Variants in SCN10A observed in about 807,000 individuals in gnomAD.
SCN10A encodes the protein sodium channel protein type 10 subunit alpha.
Under a neutral mutation model 170.7 loss-of-function variants are expected in SCN10A, and 162 were observed. The ratio of observed to expected loss-of-function variants is 0.95; its 90% CI spans 0.84 to 1.08. The LOEUF is 1.08. SCN10A is among the 50% of genes least tolerant of loss of function. The probability of loss-of-function intolerance (pLI) is 0.00; values close to 1 mark genes in which losing one functional copy is unlikely to be tolerated. For missense variants in SCN10A, 2,527 were observed against 2,436.9 expected, an observed-to-expected ratio of 1.04 and a Z score of -0.78; for synonymous variants, 985 against 904.6, an observed-to-expected ratio of 1.09 and a Z score of -1.59.
In SCN10A at chr3:38,712,026, A is replaced by T. The variant is rs1402941672; in HGVS notation, c.4089+135T>A. ...CTAGCCTCATGGTGTAGTCTGTAGGAATAGAGAATGACCTCAGTTCACACT... is the reference window on the plus strand; with the variant it reads ...CTAGCCTCATGGTGTAGTCTGTAGGTATAGAGAATGACCTCAGTTCACACT... On this transcript the variant is annotated intron_variant, in intron 23 of 27. Coordinates refer to ENST00000449082, the MANE Select transcript of SCN10A (RefSeq NM_006514.4). The T allele has an allele frequency of 3.7e-6, 3 of 803,256 alleles. No individual in the cohort carries two copies. In the African/African-American group the frequency reaches 5.2e-5, roughly 14 times the overall value. The allele number at this position is 803,256 out of a possible 1,614,324, so 49.8% of individuals were successfully genotyped here. A position where few individuals can be genotyped will look rare whatever the true frequency, so the allele number is the denominator to read the frequency against.
chr3:38,722,506 C>T (rs1033004405), intron 19 of SCN10A, 94 bp from the exon 20 acceptor site: 2 of 1,444,870 alleles, frequency 1.4e-6, no homozygotes, highest in Admixed American at 2.0e-5. Context: ...GCTAGGAAAC[C>T]CACTTGTCAT....
chr3:38,807,002 C>T (rs2064408712), intron 1 of SCN10A, among the ~76,000 whole-genome samples: 1 of 152,100 alleles, frequency 6.6e-6, no homozygotes, highest in Non-Finnish European at 1.5e-5. Context: ...TCGAATTTCC[C>T]CTTTACCCCA....
Position 38,708,553 on chromosome 3 carries a change from A to C in SCN10A, c.4281+925T>G, listed in dbSNP as rs2063235909. On this transcript the variant is annotated intron_variant, in intron 25 of 27. Transcript: ENST00000449082. Reference sequence around the variant, plus strand: ...CCTGCCCTAGTAGGTATATATTTTAAATTGTTAATAGCAACAGCATCTGGT... The same window carrying C: ...CCTGCCCTAGTAGGTATATATTTTACATTGTTAATAGCAACAGCATCTGGT... 3.3e-5 allele frequency among the ~76,000 whole-genome samples: 5 copies of C among 152,008 alleles called. No individual in the cohort carries two copies. The South Asian group carries it at 1.0e-3, about 32-fold the overall frequency.
chr3:38,702,627 C>T (rs2063168633), intron 26 of SCN10A, among the ~76,000 whole-genome samples: 1 of 152,210 alleles, frequency 6.6e-6, no homozygotes, highest in South Asian at 2.1e-4. Context: ...CTGCACATTG[C>T]AAGAGTTCAA....
At chr3:38,792,699 C>T (rs1478305732) in intron 2 of SCN10A, among the ~76,000 whole-genome samples, 2 of 152,154 alleles carry the variant, frequency 1.3e-5, no homozygotes, top group Non-Finnish European at 2.9e-5. Flanking sequence ...ACTCTGCTAG[C>T]CATATTTGAG....
chr3:38,735,033 G>A (rs1238993399), intron 15 of SCN10A, among the ~76,000 whole-genome samples: 2 of 152,036 alleles, frequency 1.3e-5, no homozygotes, highest in African/African-American at 4.8e-5. Flanking sequence ...AGCCAGGCAT[G>A]GTGGTGGGTG....
chr3:38,803,154 G>A (rs1231960714), intron 1 of SCN10A, among the ~76,000 whole-genome samples: 1 of 152,158 alleles, frequency 6.6e-6, no homozygotes, highest in Non-Finnish European at 1.5e-5. Flanking sequence ...GAAAAAACAG[G>A]TGCTGGAGAG....
intron 25 of SCN10A, 105 bp from the exon 26 acceptor site, chr3:38,707,488 C>T (rs934126804): frequency 2.6e-6 from 3 of 1,149,992 alleles, no homozygotes; most frequent in Non-Finnish European, 3.8e-6. Context: ...CTCCCCTCCT[C>T]TGCAGATAGA....
chr3:38,808,018 C>T (rs888368706), intron 1 of SCN10A, among the ~76,000 whole-genome samples: 10 of 152,130 alleles, frequency 6.6e-5, no homozygotes, highest in Non-Finnish European at 1.5e-4. Context: ...CTGATGATAC[C>T]TTTCAAAGGC....
At position 38,709,438 on chromosome 3, in the gene SCN10A, C is replaced by G. The variant is rs750944515; in HGVS notation, c.4281+40G>C. The G allele has an allele frequency of 2.5e-6, 4 of 1,574,694 alleles. No homozygotes were observed. The Admixed American group carries it at 7.3e-5, about 29-fold the overall frequency. On this transcript the variant is annotated intron_variant, in intron 25 of 27. Coordinates refer to ENST00000449082, the MANE Select transcript of SCN10A (RefSeq NM_006514.4). ...CAGGGAACAGGAAATATAAGGCTTA[C>G]CACTACAGCAGAAACCAGAAACTCC...
At chr3:38,718,870 A>C in intron 20 of SCN10A, 44 bp from the exon 21 acceptor site, 1 of 1,593,352 alleles carries the variant, frequency 6.3e-7, no homozygotes. Flanking sequence ...GCCTGGACCC[A>C]CAGCACTGGG....
chr3:38,772,406 T>C (rs1401421206), intron 4 of SCN10A, among the ~76,000 whole-genome samples: 1 of 151,782 alleles, frequency 6.6e-6, no homozygotes, highest in East Asian at 1.9e-4. Flanking sequence ...TAAAACTGTA[T>C]TGGCCAGGCG....
rs1042149010 is a variant in SCN10A, at chr3:38,732,817, G to C, written c.2281-3916C>G. On this transcript the variant is annotated intron_variant, in intron 15 of 27. Transcript: ENST00000449082. ...TCAAGACAGTACAAGAAAGAGATTAGCTCAGGAAAGATTTAGCTGGTTTAT... is the reference window on the plus strand; with the variant it reads ...TCAAGACAGTACAAGAAAGAGATTACCTCAGGAAAGATTTAGCTGGTTTAT... Among the ~76,000 whole-genome samples the C allele has an allele frequency of 3.3e-5, 5 of 152,164 alleles. No homozygotes were observed. In the South Asian group the frequency reaches 8.3e-4, roughly 25 times the overall value.
intron 11 of SCN10A, 124 bp downstream of exon 11, chr3:38,755,664 T>C: frequency 9.0e-7 from 1 of 1,115,368 alleles, no homozygotes; most frequent in Non-Finnish European, 1.3e-6. Flanking sequence ...GAGGGGTGTC[T>C]GGATCCTTTT....
chr3:38,783,906 A>G (rs995205535), intron 4 of SCN10A, among the ~76,000 whole-genome samples: 6 of 152,096 alleles, frequency 3.9e-5, no homozygotes, highest in African/African-American at 1.2e-4. Flanking sequence ...TATGATGAAC[A>G]TGTAATAAAA....
chr3:38,781,777 A>G (rs773645974), intron 4 of SCN10A, among the ~76,000 whole-genome samples: 2 of 152,232 alleles, frequency 1.3e-5, no homozygotes, highest in South Asian at 2.1e-4. Flanking sequence ...TTTAATATTT[A>G]TGGTCTGAAA....
intron 14 of SCN10A, among the ~76,000 whole-genome samples, chr3:38,741,412 T>C (rs1327172609): frequency 6.6e-6 from 1 of 152,178 alleles, no homozygotes; most frequent in Non-Finnish European, 1.5e-5. Flanking sequence ...ATGTGGCCAC[T>C]AAACTCAACT....
rs760702095 is a variant in SCN10A at position 38,712,308 on chromosome 3, G to A, written c.3942C>T (p.Thr1314=). 1.1e-5 allele frequency: 18 copies of A among 1,614,046 alleles called. No individual in the cohort carries two copies. Among genetic ancestry groups the A allele is most frequent in the South Asian group, 5.5e-5 (5 of 91,076 alleles). Residue 1314 remains threonine (T), a synonymous_variant, in exon 23 of 28, where the codon ACC becomes ACT. Coordinates refer to ENST00000449082, the MANE Select transcript of SCN10A (RefSeq NM_006514.4). ...AGKFWRCINY[T]DGEFSLVPLS... ...AAGGTACAAGGGAAAACTCTCCATC[G>A]GTATAGTTGATGCACCTCCAAAACT...
At chr3:38,767,148 T>C (rs1373406397) in intron 5 of SCN10A, among the ~76,000 whole-genome samples, 2 of 151,996 alleles carry the variant, frequency 1.3e-5, no homozygotes, top group Non-Finnish European at 2.9e-5. Flanking sequence ...ATCTTGCCAA[T>C]GGTCAATCAA....
Sources: allele counts gnomAD v4.1 joint callset (sites outside exome capture counted in the v4.1 genomes callset), GRCh38; gene constraint gnomAD v4.1.1; transcripts MANE v1.5; gene names NCBI Gene and HGNC (gene_info 2026-07-23, HGNC 2026-07-21).